The following IGFALS variants were observed in gnomAD, a reference collection of about 807,000 sequenced individuals.
The protein encoded by IGFALS is insulin like growth factor binding protein acid labile subunit.
A neutral mutation model predicts 2.6 loss-of-function variants in IGFALS; 2 were observed. The observed-to-expected ratio is 0.77, with a 90% CI of 0.32 to 2.44. The LOEUF (loss-of-function observed/expected upper bound fraction) is 2.44. Among genes scored for constraint, IGFALS ranks in the 30% most tolerant of loss-of-function variants. The probability of loss-of-function intolerance (pLI) is 0.11; values close to 1 mark genes in which losing one functional copy is unlikely to be tolerated. For synonymous variants in IGFALS, 519 were observed against 431.9 expected, an observed-to-expected ratio of 1.20 and a Z score of -2.50; for missense variants, 996 against 848.7, an observed-to-expected ratio of 1.17 and a Z score of -2.16.
chr16:1,794,723 G>A (rs1003186149), upstream of IGFALS: 88 of 642,496 alleles, frequency 1.4e-4, no homozygotes, highest in Non-Finnish European at 1.8e-4. Context: ...CCAGTCCCTC[G>A]GCAGTGGGAA....
At chr16:1,793,610 G>T in intron 1 of IGFALS, 27 bp downstream of exon 1, 1 of 1,590,626 alleles carries the variant, frequency 6.3e-7, no homozygotes, top group Non-Finnish European at 8.6e-7. Context: ...CCCCTAGAGT[G>T]GGTGGCGGGG....
At chr16:1,793,739 GCGGGGCAGCC>G, upstream of IGFALS, 1 of 1,393,418 alleles carries the variant, frequency 7.2e-7, no homozygotes, top group South Asian at 1.3e-5. Context: ...TTTCCCCACT[GCGGGGCAGCC>G]CGCGCCTGTC....
Position 1,791,689 on chromosome 16 carries a change from C to T in IGFALS, c.729G>A (p.Arg243=). The T allele has an allele frequency of 6.3e-7, 1 of 1,578,288 alleles. No homozygotes were observed. Among genetic ancestry groups the T allele is most frequent in the African/African-American group, 1.3e-5 (1 of 74,302 alleles). The change falls in exon 2 of 2, where the codon CGG becomes CGA. Residue 243 remains arginine, a synonymous_variant. Coordinates refer to ENST00000215539, the MANE Select transcript of IGFALS (RefSeq NM_004970.3). Reference sequence around the variant, plus strand: ...TGCGGTCCAGGTAGAGTTTCTGGAGCCGGGGCAGCTGCACGAACACGTTTG... The same window carrying T: ...TGCGGTCCAGGTAGAGTTTCTGGAGTCGGGGCAGCTGCACGAACACGTTTG... The part of the protein sequence containing the change: ...IKANVFVQLP[R]LQKLYLDRNL...
In IGFALS at chr16:1,790,460, G is replaced by C. The variant is rs886051773; in HGVS notation, c.*140C>G. The C allele has an allele frequency of 6.6e-6, 5 of 753,396 alleles. No individual in the cohort carries two copies. Among genetic ancestry groups the C allele is most frequent in the Non-Finnish European group, 9.2e-6 (4 of 435,936 alleles). 46.7% of individuals were successfully genotyped at this position (753,396 alleles called of 1,614,324 possible). On this transcript the variant is annotated 3_prime_UTR_variant, in exon 2 of 2. Transcript: ENST00000215539. ...TTAATTGATGACAGCTGGGGGGGCC[G>C]CCATGCCTTCCACCCCATCAGGCCC... is the stretch of plus-strand genomic sequence containing the variant.
chr16:1,790,706 C>T lies in IGFALS; in HGVS notation c.1712G>A (p.Cys571Tyr). The change falls in exon 2 of 2, where the codon TGC becomes TAC. Residue 571 changes from cysteine (C) to tyrosine (Y), a missense_variant. Transcript: ENST00000215539. Reference protein sequence around the residue: ...FVQAICEGDDCQPPAYTYNNI... With the variant: ...FVQAICEGDDYQPPAYTYNNI... ...GTTGTAGGTGTACGCGGGCGGCTGG[C>T]AATCGTCCCCCTCACAGATGGCCTG... 1 of 1,608,700 alleles carries T rather than the reference C, an allele frequency of 6.2e-7. No individual in the cohort carries two copies. The highest frequency in any genetic ancestry group is 8.5e-7 in the Non-Finnish European group (1 of 1,178,294).
At chr16:1,793,151 C>G (rs1050585685) in intron 1 of IGFALS, among the ~76,000 whole-genome samples, 3 of 152,138 alleles carry the variant, frequency 2.0e-5, no homozygotes, top group African/African-American at 7.2e-5. Context: ...GTGGCAGGGG[C>G]GAGGTGGGGC....
At position 1,792,368 on chromosome 16, in the gene IGFALS, C is replaced by CA; in HGVS notation, c.49dup (p.Trp17LeufsTer35). ...CAGGCTGCGGGGGCCCAGTGCCACC[C>CA]AGGACAGCAGCAGCAGCGCCAGGGC... is the stretch of plus-strand genomic sequence containing the variant. On this transcript the variant is annotated frameshift_variant, in exon 2 of 2. Transcript: ENST00000215539. LOFTEE classifies it low-confidence loss of function (END_TRUNC). 1 of 1,583,956 alleles carries CA rather than the reference C, an allele frequency of 6.3e-7. No individual in the cohort carries two copies. Among genetic ancestry groups the CA allele is most frequent in the South Asian group, 1.1e-5 (1 of 90,004 alleles).
Position 1,791,303 on chromosome 16 carries a change from T to C in IGFALS, c.1115A>G (p.Asn372Ser), listed in dbSNP as rs1298482576. Reference sequence around the variant, plus strand: ...CTGCTCCGGAAGGTTCCGGAGACAGTTCCCAGAGAGGTTCATGACCGCCAC... The same window carrying C: ...CTGCTCCGGAAGGTTCCGGAGACAGCTCCCAGAGAGGTTCATGACCGCCAC... ...TNVAVMNLSG[N>S]CLRNLPEQVF... The change falls in exon 2 of 2, where the codon AAC becomes AGC. Residue 372 changes from asparagine (N) to serine (S), a missense_variant. Asn to Ser is a conservative substitution (Grantham distance 46, BLOSUM62 1). Coordinates refer to ENST00000215539, the MANE Select transcript of IGFALS (RefSeq NM_004970.3). The C allele has an allele frequency of 1.9e-6, 3 of 1,608,994 alleles. No individual in the cohort carries two copies. The highest frequency in any genetic ancestry group is 4.5e-5 in the East Asian group (2 of 44,868).
Position 1,791,017 on chromosome 16 carries a change from G to T in IGFALS, c.1401C>A (p.Arg467=), listed in dbSNP as rs1368367605. ...LGKLEYLLLS[R]NRLAELPADA... Reference sequence around the variant, plus strand: ...CCGCCGGCAGCTCTGCCAGGCGGTTGCGGGAGAGCAGCAGGTACTCCAGCT... The same window carrying T: ...CCGCCGGCAGCTCTGCCAGGCGGTTTCGGGAGAGCAGCAGGTACTCCAGCT... Residue 467 remains arginine, a synonymous_variant, in exon 2 of 2, where the codon CGC becomes CGA. Transcript: ENST00000215539. 6.3e-7 allele frequency: 1 copy of T among 1,598,142 alleles called. No homozygotes were observed. The highest frequency in any genetic ancestry group is 1.3e-5 in the African/African-American group (1 of 74,918).
At chr16:1,794,662 C>T (rs1897294084), upstream of IGFALS, among the ~76,000 whole-genome samples, 1 of 152,322 alleles carries the variant, frequency 6.6e-6, no homozygotes. Context: ...GCAGCCCCTC[C>T]CCTCCAGGTC....
chr16:1,792,100 C>G lies in IGFALS; in HGVS notation c.318G>C (p.Gln106His), dbSNP rs1370308057. The G allele has an allele frequency of 1.2e-6, 2 of 1,610,634 alleles. No individual in the cohort carries two copies. The highest frequency in any genetic ancestry group is 1.7e-6 in the Non-Finnish European group (2 of 1,179,382). ...GCTCCAGGCTGCCCAGCTGGCCGCC[C>G]TGCAGGTTGAGGAAGCCCAGGCTGG... ...NLSSLGFLNL[Q>H]GGQLGSLEPQ... The change falls in exon 2 of 2, where the codon CAG (glutamine) becomes CAC (histidine). Residue 106 changes from glutamine (Q) to histidine (H), a missense_variant. Gln to His is a conservative substitution (Grantham distance 24). Coordinates refer to ENST00000215539, the MANE Select transcript of IGFALS (RefSeq NM_004970.3).
At position 1,790,648 on chromosome 16, in the gene IGFALS, C is replaced by T; in HGVS notation, c.1770G>A (p.Val590=). ...CGCTGAGGTCCCGCAGGTCGAGCCC[C>T]ACGACCTCGGGCGGGCTGGCACAGG... ...NITCASPPEV[V]GLDLRDLSEA... Residue 590 remains valine (V), a synonymous_variant, in exon 2 of 2, where the codon GTG becomes GTA. Transcript: ENST00000215539. The T allele has an allele frequency of 6.3e-7, 1 of 1,592,654 alleles. No individual in the cohort carries two copies. The highest frequency in any genetic ancestry group is 8.5e-7 in the Non-Finnish European group (1 of 1,170,756).
At position 1,790,523 on chromosome 16, in the gene IGFALS, G is replaced by A. The variant is rs1455757033; in HGVS notation, c.*77C>T. 2.4e-6 allele frequency: 3 copies of A among 1,259,820 alleles called. No individual in the cohort carries two copies. Among genetic ancestry groups the A allele is most frequent in the Admixed American group, 4.0e-5 (2 of 50,596 alleles). 78.0% of individuals were successfully genotyped at this position (1,259,820 alleles called of 1,614,324 possible). A position where few individuals can be genotyped will look rare whatever the true frequency, so the allele number is the denominator to read the frequency against. On this transcript the variant is annotated 3_prime_UTR_variant, in exon 2 of 2. Transcript: ENST00000215539. ...GCAAGTGCACTGGGCAGGCCCCTGA[G>A]GACACTGAGGACCTGTCCCCAGCAC...
At position 1,792,614 on chromosome 16, in the gene IGFALS, C is replaced by T. The variant is rs912483720; in HGVS notation, c.17-213G>A. 18 of 862,568 alleles carry T rather than the reference C, an allele frequency of 2.1e-5. No individual in the cohort carries two copies. In the African/African-American group the frequency reaches 2.9e-4, roughly 14 times the overall value. The allele number at this position is 862,568 out of a possible 1,614,324, so 53.4% of individuals were successfully genotyped here. ...GGGACAGAGGAGTGGCCGCCCCGCC[C>T]CGCTGCACAGACGCTCAGGGCTTGG... On this transcript the variant is annotated intron_variant, in intron 1 of 1. Coordinates refer to ENST00000215539, the MANE Select transcript of IGFALS (RefSeq NM_004970.3).
At chr16:1,792,631 A>C in intron 1 of IGFALS, 8 of 708,538 alleles carry the variant, frequency 1.1e-5, no homozygotes, top group Non-Finnish European at 1.7e-5. Context: ...ACAGACGCTC[A>C]GGGCTTGGCT....
chr16:1,792,489 G>A (rs753786863), intron 1 of IGFALS, 88 bp from the exon 2 acceptor site: 7 of 1,447,486 alleles, frequency 4.8e-6, no homozygotes, highest in Non-Finnish European at 5.4e-6. Flanking sequence ...CGGCGCTCAG[G>A]TGTGAACTGA....
In IGFALS at chr16:1,790,532, G is replaced by C. The variant is rs1371178229; in HGVS notation, c.*68C>G. 1 of 1,349,010 alleles carries C rather than the reference G, an allele frequency of 7.4e-7. No individual in the cohort carries two copies. The highest frequency in any genetic ancestry group is 2.5e-5 in the East Asian group (1 of 40,038). 83.6% of individuals were successfully genotyped at this position (1,349,010 alleles called of 1,614,324 possible). A position where few individuals can be genotyped will look rare whatever the true frequency, so the allele number is the denominator to read the frequency against. ...CTGGGCAGGCCCCTGAGGACACTGA[G>C]GACCTGTCCCCAGCACAAGGTGAGC... is the stretch of plus-strand genomic sequence containing the variant. On this transcript the variant is annotated 3_prime_UTR_variant, in exon 2 of 2. Transcript: ENST00000215539.
At chr16:1,793,755 C>T, upstream of IGFALS, 1 of 1,247,016 alleles carries the variant, frequency 8.0e-7, no homozygotes, top group Non-Finnish European at 1.1e-6. Context: ...CAGCCCGCGC[C>T]TGTCACCTGG....
At chr16:1,794,104 G>A (rs955280202), upstream of IGFALS, among the ~76,000 whole-genome samples, 3 of 152,086 alleles carry the variant, frequency 2.0e-5, no homozygotes, top group Non-Finnish European at 4.4e-5. Flanking sequence ...CCCACCCCTG[G>A]CCTGAGTAGC....
Sources: allele counts gnomAD v4.1 joint callset (sites outside exome capture counted in the v4.1 genomes callset), GRCh38; gene constraint gnomAD v4.1.1; transcripts MANE v1.5; gene names NCBI Gene and HGNC (gene_info 2026-07-23, HGNC 2026-07-21).